Variants in PRSS23 observed in about 807,000 individuals in gnomAD.
The protein encoded by PRSS23 is protease, serine 23.
Under a neutral mutation model 34.7 loss-of-function variants are expected in PRSS23, and 25 were observed. The observed-to-expected ratio is 0.72, with a 90% confidence interval of 0.53 to 1.01. The LOEUF is 1.01. PRSS23 is among the 50% of genes least tolerant of loss of function. The pLI is 0.00. For missense variants in PRSS23, 445 were observed against 475.6 expected (o/e 0.94, Z 0.60); for synonymous variants, 176 against 186.6 (o/e 0.94, Z 0.46).
intron 2 of PRSS23, among the ~76,000 whole-genome samples, chr11:86,865,806 G>C (rs1459119137): frequency 1.3e-5 from 2 of 152,272 alleles, no homozygotes; most frequent in East Asian, 3.9e-4. Context: ...ACCAGACTAA[G>C]CAGACAGCTA....
At chr11:86,836,048 C>T (rs1948402752) in intron 2 of PRSS23, among the ~76,000 whole-genome samples, 1 of 152,030 alleles carries the variant, frequency 6.6e-6, no homozygotes, top group Non-Finnish European at 1.5e-5. Flanking sequence ...TCAGGATGTA[C>T]AGGGATGCAG....
intron 2 of PRSS23, chr11:86,836,784 T>C (rs1439926025): frequency 2.0e-5 from 3 of 152,212 alleles, no homozygotes; most frequent in Non-Finnish European, 4.4e-5. Flanking sequence ...GTGAGGGTGA[T>C]GGCATGGACT....
chr11:86,831,187 G>C (rs1274783810), intron 2 of PRSS23, among the ~76,000 whole-genome samples: 1 of 151,952 alleles, frequency 6.6e-6, no homozygotes, highest in Admixed American at 6.5e-5. Context: ...CACAATGCTT[G>C]TACACCCTGC....
At chr11:86,930,191 A>T (rs1393380917) in intron 2 of PRSS23, among the ~76,000 whole-genome samples, 1 of 152,174 alleles carries the variant, frequency 6.6e-6, no homozygotes, top group Non-Finnish European at 1.5e-5. Context: ...TCCTTTAAAA[A>T]AAAAAATGTG....
chr11:86,910,735 G>A (rs771273532), intron 2 of PRSS23: 2 of 152,152 alleles, frequency 1.3e-5, no homozygotes, highest in Non-Finnish European at 2.9e-5. Flanking sequence ...ATAGATGCAA[G>A]CAGTATCGTT....
At chr11:86,794,472 A>G (rs1040803546) in intron 1 of PRSS23, among the ~76,000 whole-genome samples, 1 of 152,208 alleles carries the variant, frequency 6.6e-6, no homozygotes, top group Non-Finnish European at 1.5e-5. Context: ...TTAGATTGGC[A>G]TATTCTAAGT....
chr11:86,802,325 T>G (rs549294188), intron 1 of PRSS23, among the ~76,000 whole-genome samples: 2 of 152,322 alleles, frequency 1.3e-5, no homozygotes, highest in East Asian at 3.9e-4. Flanking sequence ...CAAGATTGTG[T>G]TTAGGGTTGC....
At chr11:86,930,188 A>G (rs1436705058) in intron 2 of PRSS23, among the ~76,000 whole-genome samples, 2 of 22,186 alleles carry the variant, frequency 9.0e-5, no homozygotes, top group Non-Finnish European at 3.1e-4. Flanking sequence ...AGTTCCTTTA[A>G]AAAAAAAAAT....
chr11:86,880,889 C>G (rs1948768363), intron 2 of PRSS23, among the ~76,000 whole-genome samples: 1 of 152,150 alleles, frequency 6.6e-6, no homozygotes, highest in Non-Finnish European at 1.5e-5. Context: ...AGATATCAAT[C>G]TTGCATTCTT....
intron 2 of PRSS23, among the ~76,000 whole-genome samples, chr11:86,839,661 A>C (rs1043908416): frequency 6.6e-6 from 1 of 151,978 alleles, no homozygotes; most frequent in Non-Finnish European, 1.5e-5. Context: ...CAGATTCACC[A>C]AGGTTGAAAT....
chr11:86,917,237 T>C (rs1949019329), intron 2 of PRSS23, among the ~76,000 whole-genome samples: 1 of 152,210 alleles, frequency 6.6e-6, no homozygotes, highest in African/African-American at 2.4e-5. Context: ...GAGAATCGCT[T>C]GAACCCGGGA....
intron 2 of PRSS23, chr11:86,940,897 G>C (rs1160178806): frequency 6.6e-6 from 1 of 152,218 alleles, no homozygotes; most frequent in East Asian, 1.9e-4. Context: ...AAGAGAAGAA[G>C]GTTCAGAGGA....
Position 86,808,883 on chromosome 11 carries a change from CGTGTGTG to C in PRSS23, c.*89_*95del, listed in dbSNP as rs1247479817. On this transcript the variant is annotated 3_prime_UTR_variant, in exon 2 of 2. Coordinates refer to ENST00000280258, the MANE Select transcript of PRSS23 (RefSeq NM_007173.6). ...TTGTTTTTTGTCATTGGCGTGCACA[CGTGTGTG>C]TGTGTGTGTGTGTGTGTGTAAGGTG... is the stretch of plus-strand genomic sequence containing the variant. The C allele has an allele frequency of 9.0e-6, 8 of 888,102 alleles. No individual in the cohort carries two copies. Among genetic ancestry groups the C allele is most frequent in the South Asian group, 1.7e-5 (1 of 60,576 alleles). 55.0% of individuals were successfully genotyped at this position (888,102 alleles called of 1,614,324 possible). A position where few individuals can be genotyped will look rare whatever the true frequency, so the allele number is the denominator to read the frequency against.
At chr11:86,866,414 G>A (rs566926150) in intron 2 of PRSS23, among the ~76,000 whole-genome samples, 2 of 152,180 alleles carry the variant, frequency 1.3e-5, no homozygotes, top group Non-Finnish European at 2.9e-5. Context: ...CATTAGGAGA[G>A]ATTACGCTCT....
chr11:86,949,421 A>C (rs933462702), intron 2 of PRSS23: 1 of 148,864 alleles, frequency 6.7e-6, no homozygotes, highest in Admixed American at 6.7e-5. Context: ...AAAAAAAAAG[A>C]AAAAAAAAAG....
chr11:86,801,890 A>G (rs1346598007), intron 1 of PRSS23, among the ~76,000 whole-genome samples: 1 of 152,194 alleles, frequency 6.6e-6, no homozygotes, highest in Non-Finnish European at 1.5e-5. Flanking sequence ...TTCCTAGTTA[A>G]ATAAAGTCAA....
At chr11:86,863,762 A>G (rs752984769) in intron 2 of PRSS23, among the ~76,000 whole-genome samples, 8 of 151,004 alleles carry the variant, frequency 5.3e-5, no homozygotes, top group Non-Finnish European at 8.9e-5. Context: ...TGTTTTTAAA[A>G]TATTGACTTC....
At chr11:86,853,274 T>A (rs1194730659) in intron 2 of PRSS23, among the ~76,000 whole-genome samples, 4 of 111,480 alleles carry the variant, frequency 3.6e-5, no homozygotes, top group African/African-American at 1.4e-4. Flanking sequence ...TTTTTTTTTT[T>A]AATGGAGTCT....
chr11:86,859,283 G>A (rs1948595677), intron 2 of PRSS23, among the ~76,000 whole-genome samples: 1 of 150,592 alleles, frequency 6.6e-6, no homozygotes, highest in African/African-American at 2.4e-5. Context: ...AGGTGAGGAG[G>A]GGATGATATT....
Sources: gnomAD v4.1 joint callset for allele counts (sites outside exome capture counted in the v4.1 genomes callset) on GRCh38, gnomAD v4.1.1 for gene constraint, MANE v1.5 for transcripts, NCBI Gene and HGNC (gene_info 2026-07-23, HGNC 2026-07-21) for gene names.